The following XIRP2 variants were observed in gnomAD, a reference collection of about 807,000 sequenced individuals.
XIRP2 encodes the protein xin actin-binding repeat-containing protein 2.
XIRP2 carries 236 observed loss-of-function variants against 277.0 expected under a neutral mutation model. The observed-to-expected ratio is 0.85, with a 90% CI of 0.77 to 0.95. The LOEUF is 0.95. Among genes scored for constraint, XIRP2 ranks in the 40% least tolerant of loss-of-function variants. The pLI is 0.00. For synonymous variants in XIRP2, 1,490 were observed against 1,416.5 expected, an observed-to-expected ratio of 1.05 and a Z score of -1.17; for missense variants, 4,640 against 4,157.5, an observed-to-expected ratio of 1.12 and a Z score of -3.19.
chr2:167,039,881 T>C (rs1410169114), intron 2 of XIRP2, among the ~76,000 whole-genome samples: 1 of 152,168 alleles, frequency 6.6e-6, no homozygotes, highest in Non-Finnish European at 1.5e-5. Flanking sequence ...TTCACAATAA[T>C]TTTACATATA....
chr2:167,099,172 G>C (rs1032471415), intron 2 of XIRP2, among the ~76,000 whole-genome samples: 2 of 152,110 alleles, frequency 1.3e-5, no homozygotes, highest in African/African-American at 4.8e-5. Context: ...TCCTGACTGG[G>C]GCTGCTGCCT....
At position 167,251,231 on chromosome 2, in the gene XIRP2, C is replaced by G. The variant is rs1695489630; in HGVS notation, c.9839C>G (p.Thr3280Ser). The change falls in exon 9 of 11, where the codon ACT (threonine) becomes AGT (serine). Residue 3280 changes from threonine (T) to serine (S), a missense_variant. By Grantham distance (58) the Thr-to-Ser change is moderately conservative (BLOSUM62 1). Transcript: ENST00000409195. ...GTTCATAAAGATGGACTAAATTCCA[C>G]TGATCACATGGTGCCCGACACTGAA... ...TYVHKDGLNS[T>S]DHMVPDTESY... 9.3e-6 allele frequency: 15 copies of G among 1,613,480 alleles called. No homozygotes were observed. Among genetic ancestry groups the G allele is most frequent in the Non-Finnish European group, 1.3e-5 (15 of 1,179,726 alleles).
chr2:167,087,399 T>G (rs1481349048), intron 2 of XIRP2, among the ~76,000 whole-genome samples: 1 of 152,016 alleles, frequency 6.6e-6, no homozygotes, highest in Admixed American at 6.5e-5. Flanking sequence ...TCTTTTTGTT[T>G]GTCTGTGCCC....
chr2:167,092,863 A>G (rs1472290060), intron 2 of XIRP2, among the ~76,000 whole-genome samples: 1 of 152,146 alleles, frequency 6.6e-6, no homozygotes, highest in African/African-American at 2.4e-5. Context: ...CCACTACTGA[A>G]GAATAGTGAC....
chr2:167,219,470 C>T (rs1694359173), intron 5 of XIRP2, among the ~76,000 whole-genome samples: 1 of 152,130 alleles, frequency 6.6e-6, no homozygotes, highest in Admixed American at 6.5e-5. Flanking sequence ...ATAGATCCTT[C>T]ACTTTGAAGG....
At chr2:167,114,223 C>T (rs751845688) in intron 2 of XIRP2, among the ~76,000 whole-genome samples, 18 of 152,124 alleles carry the variant, frequency 1.2e-4, no homozygotes, top group Non-Finnish European at 2.2e-4. Context: ...AGATACGTTT[C>T]GCAAGTTGCT....
intron 2 of XIRP2, among the ~76,000 whole-genome samples, chr2:166,940,784 G>A (rs1266247979): frequency 2.6e-5 from 4 of 152,176 alleles, no homozygotes; most frequent in African/African-American, 9.6e-5. Flanking sequence ...AGCAAATGTT[G>A]CTGCCTGGTC....
At chr2:166,897,803 T>TA (rs1192013063) in intron 1 of XIRP2, among the ~76,000 whole-genome samples, 1 of 152,010 alleles carries the variant, frequency 6.6e-6, no homozygotes, top group Non-Finnish European at 1.5e-5. Flanking sequence ...GCCAAGCAGA[T>TA]AATCAGCAGC....
chr2:167,144,199 TTTCTC>T (rs1482020363), intron 3 of XIRP2, among the ~76,000 whole-genome samples: 4 of 152,136 alleles, frequency 2.6e-5, no homozygotes, highest in Non-Finnish European at 4.4e-5. Flanking sequence ...CACATAAACT[TTTCTC>T]TTTGAGAAGT....
At chr2:167,110,293 T>C (rs1690718672) in intron 2 of XIRP2, among the ~76,000 whole-genome samples, 1 of 152,204 alleles carries the variant, frequency 6.6e-6, no homozygotes, top group Non-Finnish European at 1.5e-5. Context: ...AGAGTTTTCA[T>C]AGTTTTAAGT....
At chr2:166,891,857 T>C (rs1684114190) in intron 1 of XIRP2, among the ~76,000 whole-genome samples, 1 of 152,168 alleles carries the variant, frequency 6.6e-6, no homozygotes, top group African/African-American at 2.4e-5. Context: ...TAGTTTGACA[T>C]ATTTACCTAA....
At chr2:167,045,872 C>A (rs182305072) in intron 2 of XIRP2, among the ~76,000 whole-genome samples, 2 of 152,012 alleles carry the variant, frequency 1.3e-5, no homozygotes, top group South Asian at 2.1e-4. Context: ...ACCCAACAAT[C>A]CCATTACAGA....
intron 2 of XIRP2, among the ~76,000 whole-genome samples, chr2:167,079,195 C>T (rs564170752): frequency 6.6e-6 from 1 of 152,246 alleles, no homozygotes; most frequent in African/African-American, 2.4e-5. Context: ...AACTTGCATC[C>T]AAGAAATGAA....
chr2:166,943,524 T>C (rs1685776502), intron 2 of XIRP2, among the ~76,000 whole-genome samples: 1 of 152,216 alleles, frequency 6.6e-6, no homozygotes, highest in African/African-American at 2.4e-5. Context: ...CATATACATT[T>C]TACTTCATGT....
chr2:167,110,503 T>C (rs1377474679), intron 2 of XIRP2, among the ~76,000 whole-genome samples: 1 of 152,186 alleles, frequency 6.6e-6, no homozygotes. Flanking sequence ...ATTTCTGTAC[T>C]CTCTATTCTG....
At chr2:166,925,590 TATATACATATATATATATATATATATA>T (rs1200088738) in intron 2 of XIRP2, among the ~76,000 whole-genome samples, 1 of 59,402 alleles carries the variant, frequency 1.7e-5, no homozygotes, top group Non-Finnish European at 2.8e-5. Context: ...TGTGTATGTG[TATATACATATATATATATATATATATA>T]TATATATATA....
intron 2 of XIRP2, among the ~76,000 whole-genome samples, chr2:167,077,179 T>A (rs986475987): frequency 1.8e-4 from 27 of 152,078 alleles, no homozygotes; most frequent in African/African-American, 6.3e-4. Flanking sequence ...TTTGCTTTCA[T>A]AGATTATTTG....
At chr2:166,899,181 T>C (rs1684315859) in intron 1 of XIRP2, among the ~76,000 whole-genome samples, 1 of 152,136 alleles carries the variant, frequency 6.6e-6, no homozygotes, top group Admixed American at 6.6e-5. Context: ...GTATGATGGA[T>C]TTTTATTAGT....
rs137933568 is a variant in XIRP2 at position 167,171,084 on chromosome 2, G to C, written c.562+35022G>C. Among the ~76,000 whole-genome samples the C allele has an allele frequency of 5.3e-4, 81 of 151,804 alleles. 2 individuals carry two copies. Among genetic ancestry groups the C allele is most frequent in the Admixed American group, 3.1e-3 (47 of 15,256 alleles). ...CCAGCTAATTTTTGTATTTTTAGTA[G>C]AGAAGGAGTTTTGCCATGTTGGCCA... On this transcript the variant is annotated intron_variant, in intron 3 of 10. Transcript: ENST00000409195.
Sources: gnomAD v4.1 joint callset for allele counts (sites outside exome capture counted in the v4.1 genomes callset) on GRCh38, gnomAD v4.1.1 for gene constraint, MANE v1.5 for transcripts, NCBI Gene and HGNC (gene_info 2026-07-23, HGNC 2026-07-21) for gene names.